Variants in PLVAP observed in about 807,000 individuals in gnomAD.
PLVAP encodes plasmalemma vesicle associated protein, also known as plasmalemma vesicle-associated protein.
PLVAP carries 34 observed loss-of-function variants against 43.1 expected under a neutral mutation model. The ratio of observed to expected loss-of-function variants is 0.79; its 90% CI spans 0.60 to 1.05. The LOEUF is 1.05. PLVAP is among the 50% of genes least tolerant of loss of function. PLVAP has a pLI of 0.00. For missense variants in PLVAP, 574 were observed against 593.4 expected (o/e 0.97, Z 0.34); for synonymous variants, 241 against 237.3 (o/e 1.02, Z -0.14).
chr19:17,352,221 C>A lies in PLVAP; in HGVS notation c.*141G>T. 3 of 1,147,188 alleles carry A rather than the reference C, an allele frequency of 2.6e-6. No homozygotes were observed. Among genetic ancestry groups the A allele is most frequent in the Admixed American group, 2.1e-5 (1 of 48,768 alleles). The allele number at this position is 1,147,188 out of a possible 1,614,324, so 71.1% of individuals were successfully genotyped here. ...GGTGTGAGAGGGTACTAGGGGTTTG[C>A]ATGCAGGGAGTTGTCTGATGGTGGC... On this transcript the variant is annotated 3_prime_UTR_variant, in exon 6 of 6. Transcript: ENST00000252590.
intron 5 of PLVAP, among the ~76,000 whole-genome samples, chr19:17,353,126 G>C (rs760065651): frequency 4.7e-4 from 71 of 152,308 alleles, no homozygotes; most frequent in South Asian, 1.0e-3. Flanking sequence ...GGGGGCTGTG[G>C]CTAAGTCCCG....
intron 1 of PLVAP, among the ~76,000 whole-genome samples, chr19:17,375,829 C>T (rs371420648): frequency 5.4e-5 from 8 of 148,304 alleles, no homozygotes; most frequent in East Asian, 2.0e-4. Flanking sequence ...TGCAGTGAGG[C>T]GAGATTGTGC....
intron 5 of PLVAP, among the ~76,000 whole-genome samples, chr19:17,354,596 CAAAAAA>C (rs33950167): frequency 3.5e-5 from 3 of 85,558 alleles, no homozygotes; most frequent in Admixed American, 1.3e-4. Flanking sequence ...GACTCTGTCT[CAAAAAA>C]AAAAAAAAAA....
chr19:17,356,837 T>C (rs2074508575), intron 5 of PLVAP, among the ~76,000 whole-genome samples: 1 of 151,936 alleles, frequency 6.6e-6, no homozygotes, highest in African/African-American at 2.4e-5. Flanking sequence ...CGCATGCCTG[T>C]AATCCCAGCT....
intron 1 of PLVAP, among the ~76,000 whole-genome samples, chr19:17,375,860 G>A (rs1477778299): frequency 6.9e-6 from 1 of 144,364 alleles, no homozygotes; most frequent in Non-Finnish European, 1.5e-5. Context: ...CAGCCTGGGT[G>A]ACAGAGCGAG....
At chr19:17,367,401 T>TC (rs1176290564) in intron 1 of PLVAP, among the ~76,000 whole-genome samples, 1 of 151,440 alleles carries the variant, frequency 6.6e-6, no homozygotes, top group African/African-American at 2.4e-5. Context: ...TTTTTTTTTT[T>TC]TCTTGAGACA....
rs745490790 is a variant in PLVAP, at chr19:17,365,993, G to C, written c.472C>G (p.Leu158Val). The change falls in exon 3 of 6, where the codon CTC becomes GTC. Residue 158 changes from leucine to valine, a missense_variant. By Grantham distance (32) the Leu-to-Val change is conservative. Transcript: ENST00000252590. ...TTCACCTTCTGATTCAGCATGAAGAGCAAGGCTAAGGAAAACAGGACCAGG... is the reference window on the plus strand; with the variant it reads ...TTCACCTTCTGATTCAGCATGAAGACCAAGGCTAAGGAAAACAGGACCAGG... Reference protein sequence around the residue: ...KDMNKSCDALLFMLNQKVKTL... With the variant: ...KDMNKSCDALVFMLNQKVKTL... 9 of 1,612,714 alleles carry C rather than the reference G, an allele frequency of 5.6e-6. No individual in the cohort carries two copies. The highest frequency in any genetic ancestry group is 3.3e-5 in the Admixed American group (2 of 59,944).
In PLVAP at chr19:17,377,096, G is replaced by C; in HGVS notation, c.193C>G (p.Arg65Gly). Residue 65 changes from arginine (R) to glycine (G), a missense_variant, in exon 1 of 6, where the codon CGC becomes GGC. Physicochemically the swap from Arg to Gly is moderately radical, Grantham distance 125. Coordinates refer to ENST00000252590, the MANE Select transcript of PLVAP (RefSeq NM_031310.3). The stretch of plus-strand genomic sequence containing the variant: ...TGACTGTATAGGCCCTCGGCTCGGC[G>C]CTCGGTGGCCTGCAGGTTGGACTCT... ...STESNLQATE[R>G]RAEGLYSQLL... 1 of 1,614,130 alleles carries C rather than the reference G, an allele frequency of 6.2e-7. No homozygotes were observed. Among genetic ancestry groups the C allele is most frequent in the Non-Finnish European group, 8.5e-7 (1 of 1,180,020 alleles).
At chr19:17,365,188 G>T in intron 3 of PLVAP, 98 bp downstream of exon 3, 2 of 1,107,476 alleles carry the variant, frequency 1.8e-6, no homozygotes, top group Non-Finnish European at 2.6e-6. Flanking sequence ...AGACCAGGAA[G>T]CCATCCTCAA....
chr19:17,351,924 T>TGCCATCGCCGCGTCTGTGTGAC lies in PLVAP; in HGVS notation c.*416_*437dup, dbSNP rs2074486977. The TGCCATCGCCGCGTCTGTGTGAC allele has an allele frequency of 1.7e-5, 4 of 229,322 alleles. No individual in the cohort carries two copies. The highest frequency in any genetic ancestry group is 9.0e-5 in the African/African-American group (4 of 44,508). 14.2% of individuals were successfully genotyped at this position (229,322 alleles called of 1,614,324 possible). On this transcript the variant is annotated 3_prime_UTR_variant, in exon 6 of 6. Transcript: ENST00000252590. ...TGTGACATCATCACCGTCTGTGTGA[T>TGCCATCGCCGCGTCTGTGTGAC]GCCATCGCCGCGTCTGTGTGACATT...
At chr19:17,372,691 A>T (rs1199980602) in intron 1 of PLVAP, among the ~76,000 whole-genome samples, 2 of 150,342 alleles carry the variant, frequency 1.3e-5, no homozygotes, top group African/African-American at 4.9e-5. Flanking sequence ...CTCCTGACCT[A>T]GTGATCCACC....
In PLVAP at chr19:17,377,030, C is replaced by A. The variant is rs1459394971; in HGVS notation, c.259G>T (p.Glu87Ter). ...TTGGCGCGGGTGGTGAAGTTGAGCT[C>A]CTTGGTCAAGTTGGACTGGGAGGCC... Reference protein sequence around the residue: ...LTASQSNLTKELNFTTRAKDA... With the variant: ...LTASQSNLTK Residue 87 changes from glutamate (E) to a stop codon, truncating the protein, a stop_gained, in exon 1 of 6, where the codon GAG (glutamate) becomes TAG (stop). Transcript: ENST00000252590. LOFTEE classifies it high-confidence loss of function. 2 of 1,614,082 alleles carry A rather than the reference C, an allele frequency of 1.2e-6. No homozygotes were observed. Among genetic ancestry groups the A allele is most frequent in the Non-Finnish European group, 1.7e-6 (2 of 1,180,020 alleles).
chr19:17,359,043 T>C (rs2074517397), intron 5 of PLVAP, among the ~76,000 whole-genome samples: 1 of 152,052 alleles, frequency 6.6e-6, no homozygotes, highest in Non-Finnish European at 1.5e-5. Context: ...CAAGCAATCC[T>C]CTCACCTCGG....
rs151261106 is a variant in PLVAP, at chr19:17,353,897, T to TA, written c.1323-1530dup. Among the ~76,000 whole-genome samples, 673 of 150,730 alleles carry TA rather than the reference T, an allele frequency of 4.5e-3. 7 individuals carry two copies. The highest frequency in any genetic ancestry group is 0.015 in the African/African-American group (604 of 41,070). On this transcript the variant is annotated intron_variant, in intron 5 of 5. Coordinates refer to ENST00000252590, the MANE Select transcript of PLVAP (RefSeq NM_031310.3). ...CGGTTACCAGCAGCTGCTCAATAAA[T>TA]ACGGCTCGAATGGACACACGAATCA...
chr19:17,365,627 T>A lies in PLVAP; in HGVS notation c.838A>T (p.Ser280Cys). ...RACDHMPSLM[S>C]SKVEELARSL... ...CGGGCCAGCTCCTCCACCTTGGAGC[T>A]CATGAGGCTGGGCATGTGGTCGCAG... Residue 280 changes from serine to cysteine, a missense_variant, in exon 3 of 6, where the codon AGC (serine) becomes TGC (cysteine). By Grantham distance (112) the Ser-to-Cys change is moderately radical. Transcript: ENST00000252590. 1 of 1,613,550 alleles carries A rather than the reference T, an allele frequency of 6.2e-7. No homozygotes were observed. Among genetic ancestry groups the A allele is most frequent in the Non-Finnish European group, 8.5e-7 (1 of 1,180,016 alleles).
In PLVAP at chr19:17,365,973, C is replaced by T. The variant is rs368228778; in HGVS notation, c.492G>A (p.Lys164=). 13 of 1,613,488 alleles carry T rather than the reference C, an allele frequency of 8.1e-6. No homozygotes were observed. The Admixed American group carries it at 8.3e-5, about 10-fold the overall frequency. Residue 164 remains lysine, a synonymous_variant, in exon 3 of 6, where the codon AAG becomes AAA. Coordinates refer to ENST00000252590, the MANE Select transcript of PLVAP (RefSeq NM_031310.3). The part of the protein sequence containing the change: ...CDALLFMLNQ[K]VKTLEVEIAK... The stretch of plus-strand genomic sequence containing the variant: ...CTATCTCCACCTCCAGCGTCTTCAC[C>T]TTCTGATTCAGCATGAAGAGCAAGG...
chr19:17,364,826 G>A (rs1268548966), intron 3 of PLVAP, among the ~76,000 whole-genome samples: 1 of 133,570 alleles, frequency 7.5e-6, no homozygotes, highest in Non-Finnish European at 1.5e-5. Flanking sequence ...AGGCTGGAGT[G>A]CAATGGCTCG....
chr19:17,363,910 A>AT (rs566917621), intron 3 of PLVAP, among the ~76,000 whole-genome samples: 1 of 148,918 alleles, frequency 6.7e-6, no homozygotes, highest in Admixed American at 6.7e-5. Flanking sequence ...ACCCGGCTAA[A>AT]TTTTTTTTTG....
chr19:17,366,635 T>A (rs1251966851), intron 1 of PLVAP, among the ~76,000 whole-genome samples: 5 of 151,810 alleles, frequency 3.3e-5, no homozygotes, highest in African/African-American at 4.8e-5. Context: ...TTTCTTTTTT[T>A]TTTTTTTGAA....
Sources: gnomAD v4.1 joint callset for allele counts (sites outside exome capture counted in the v4.1 genomes callset) on GRCh38, gnomAD v4.1.1 for gene constraint, MANE v1.5 for transcripts, NCBI Gene and HGNC (gene_info 2026-07-23, HGNC 2026-07-21) for gene names.